The following EPHA6 variants were observed in gnomAD, a reference collection of about 807,000 sequenced individuals.
EPHA6 encodes the protein EPH receptor A6.
EPHA6 carries 50 observed loss-of-function variants against 112.0 expected under a neutral mutation model. The ratio of observed to expected loss-of-function variants is 0.45; its 90% CI spans 0.36 to 0.56. The LOEUF is 0.56. EPHA6 is among the 20% of genes least tolerant of loss of function. EPHA6 has a pLI of 0.00. For missense variants in EPHA6, 1,280 were observed against 1,417.4 expected (o/e 0.90, Z 1.56); for synonymous variants, 529 against 490.7 (o/e 1.08, Z -1.03).
chr3:96,868,159 CGTGT>C lies in EPHA6; in HGVS notation c.450+1284_450+1287del, dbSNP rs753000378. Among the ~76,000 whole-genome samples the C allele has an allele frequency of 1.8e-4, 26 of 142,270 alleles. No homozygotes were observed. In the South Asian group the frequency reaches 4.4e-3, roughly 24 times the overall value. 93.3% of individuals were successfully genotyped at this position (142,270 alleles called of 152,430 possible). A position where few individuals can be genotyped will look rare whatever the true frequency, so the allele number is the denominator to read the frequency against. On this transcript the variant is annotated intron_variant, in intron 2 of 17. Coordinates refer to ENST00000389672, the MANE Select transcript of EPHA6 (RefSeq NM_001080448.3). ...TTCTAAAATACCTTTTGTGTGTGTG[CGTGT>C]GTGTGTGTGTGTGAGAGAGAGAGAG...
chr3:97,472,896 T>C (rs1481523955), intron 7 of EPHA6, among the ~76,000 whole-genome samples: 7 of 151,760 alleles, frequency 4.6e-5, no homozygotes, highest in African/African-American at 1.4e-4. Flanking sequence ...GGCTTGGAGA[T>C]CGGCAAAAAG....
At chr3:97,353,237 A>G (rs1465641030) in intron 5 of EPHA6, among the ~76,000 whole-genome samples, 1 of 151,698 alleles carries the variant, frequency 6.6e-6, no homozygotes, top group Non-Finnish European at 1.5e-5. Flanking sequence ...GGCCATGGGA[A>G]GAGATTTCTT....
chr3:97,741,867 C>G (rs1419962236), intron 16 of EPHA6, among the ~76,000 whole-genome samples: 1 of 151,992 alleles, frequency 6.6e-6, no homozygotes, highest in Non-Finnish European at 1.5e-5. Context: ...TGGAGAGCAG[C>G]CTGTTATTTT....
At chr3:97,639,139 A>C (rs1241341018) in intron 14 of EPHA6, among the ~76,000 whole-genome samples, 1 of 152,096 alleles carries the variant, frequency 6.6e-6, no homozygotes, top group East Asian at 1.9e-4. Context: ...AAAGAAATAT[A>C]GTTCTAAGGA....
At chr3:97,662,743 T>C (rs1449988057) in intron 14 of EPHA6, among the ~76,000 whole-genome samples, 1 of 152,208 alleles carries the variant, frequency 6.6e-6, no homozygotes, top group East Asian at 1.9e-4. Flanking sequence ...TTACTTGAAC[T>C]AAATATCCAC....
intron 14 of EPHA6, among the ~76,000 whole-genome samples, chr3:97,702,341 G>C (rs1007982769): frequency 2.6e-5 from 4 of 152,114 alleles, no homozygotes; most frequent in African/African-American, 9.7e-5. Context: ...CTTATTGAAA[G>C]TTCCCATTTG....
intron 14 of EPHA6, among the ~76,000 whole-genome samples, chr3:97,673,579 C>A (rs1365806468): frequency 2.7e-4 from 41 of 152,192 alleles, no homozygotes; most frequent in Non-Finnish European, 2.9e-5. Context: ...ATTAACTCTA[C>A]TCTGAGTCAT....
At chr3:97,325,563 T>A (rs562987336) in intron 5 of EPHA6, among the ~76,000 whole-genome samples, 1 of 152,196 alleles carries the variant, frequency 6.6e-6, no homozygotes, top group South Asian at 2.1e-4. Context: ...TTTGAAGGGA[T>A]CTAATTCAGC....
intron 2 of EPHA6, among the ~76,000 whole-genome samples, chr3:96,924,536 G>A (rs2039935461): frequency 6.6e-6 from 1 of 152,142 alleles, no homozygotes; most frequent in South Asian, 2.1e-4. Context: ...AGCTTAAGAA[G>A]CTTTTTGGCT....
intron 1 of EPHA6, among the ~76,000 whole-genome samples, chr3:96,819,682 T>C (rs2107211302): frequency 6.6e-6 from 1 of 152,258 alleles, no homozygotes; most frequent in South Asian, 2.1e-4. Context: ...ATCAAACTAA[T>C]TTAATACAGG....
At chr3:96,915,265 A>G (rs980466826) in intron 2 of EPHA6, among the ~76,000 whole-genome samples, 3 of 152,024 alleles carry the variant, frequency 2.0e-5, no homozygotes, top group Admixed American at 1.3e-4. Context: ...GCATTTCTTT[A>G]TATGTATTAA....
intron 14 of EPHA6, among the ~76,000 whole-genome samples, chr3:97,690,198 T>C (rs1034352389): frequency 3.3e-5 from 5 of 152,228 alleles, no homozygotes; most frequent in Non-Finnish European, 5.9e-5. Flanking sequence ...AACTCTGTGT[T>C]TAACTTTTTG....
At chr3:97,287,656 C>G (rs1447218317) in intron 5 of EPHA6, among the ~76,000 whole-genome samples, 1 of 152,066 alleles carries the variant, frequency 6.6e-6, no homozygotes, top group Non-Finnish European at 1.5e-5. Flanking sequence ...TTGTTTCTAT[C>G]TATTGTGATG....
At chr3:97,527,617 C>T (rs2092639262) in intron 10 of EPHA6, among the ~76,000 whole-genome samples, 1 of 152,086 alleles carries the variant, frequency 6.6e-6, no homozygotes, top group South Asian at 2.1e-4. Context: ...TTATTAATCA[C>T]ATACACTTAC....
At chr3:96,956,211 A>T (rs140400541) in intron 2 of EPHA6, among the ~76,000 whole-genome samples, 1 of 152,294 alleles carries the variant, frequency 6.6e-6, no homozygotes, top group East Asian at 1.9e-4. Flanking sequence ...ACACATAGAG[A>T]TTGGTAATTA....
rs1381740876 is a variant in EPHA6, at chr3:97,521,968, G to A, written c.2201-10390G>A. 2.0e-5 allele frequency among the ~76,000 whole-genome samples: 3 copies of A among 151,180 alleles called. No individual in the cohort carries two copies. In the South Asian group the frequency reaches 6.3e-4, roughly 32 times the overall value. ...AGACAAGGTTTTGCTCTGTTCCCTG[G>A]TCTGGAGTGCAGTGACATGATCATA... is the stretch of plus-strand genomic sequence containing the variant. On this transcript the variant is annotated intron_variant, in intron 10 of 17. Coordinates refer to ENST00000389672, the MANE Select transcript of EPHA6 (RefSeq NM_001080448.3).
At chr3:96,906,430 C>T (rs2038937146) in intron 2 of EPHA6, among the ~76,000 whole-genome samples, 1 of 152,038 alleles carries the variant, frequency 6.6e-6, no homozygotes, top group African/African-American at 2.4e-5. Context: ...CATGCTCTAA[C>T]ACCTACTCCG....
At chr3:97,159,423 C>G (rs1559764097) in intron 3 of EPHA6, among the ~76,000 whole-genome samples, 1 of 152,126 alleles carries the variant, frequency 6.6e-6, no homozygotes, top group South Asian at 2.1e-4. Flanking sequence ...GCCAGAAGAA[C>G]ATAAGGTTGC....
intron 5 of EPHA6, among the ~76,000 whole-genome samples, chr3:97,303,603 G>C (rs541014653): frequency 2.9e-4 from 44 of 152,040 alleles, no homozygotes; most frequent in African/African-American, 9.9e-4. Context: ...CCAGCATAGA[G>C]AAATAGAAAG....
Sources: allele counts gnomAD v4.1 joint callset (sites outside exome capture counted in the v4.1 genomes callset), GRCh38; gene constraint gnomAD v4.1.1; transcripts MANE v1.5; gene names NCBI Gene and HGNC (gene_info 2026-07-23, HGNC 2026-07-21).